Variants in EPHA3 observed in about 807,000 individuals in gnomAD.
EPHA3 encodes the protein ephrin type-A receptor 3.
Under a neutral mutation model 107.1 loss-of-function variants are expected in EPHA3, and 42 were observed. The ratio of observed to expected loss-of-function variants is 0.39; its 90% CI spans 0.31 to 0.51. The LOEUF is 0.51. EPHA3 is among the 20% of genes least tolerant of loss of function. The pLI, the probability that EPHA3 is intolerant of heterozygous loss-of-function variation, is 0.78. For synonymous variants in EPHA3, 461 were observed against 424.8 expected, an observed-to-expected ratio of 1.09 and a Z score of -1.05; for missense variants, 1,183 against 1,211.2, an observed-to-expected ratio of 0.98 and a Z score of 0.35.
Position 89,398,303 on chromosome 3 carries a change from A to G in EPHA3, c.1432-1015A>G, listed in dbSNP as rs1409017312. 2.6e-5 allele frequency among the ~76,000 whole-genome samples: 4 copies of G among 152,316 alleles called. No homozygotes were observed. The East Asian group carries it at 7.7e-4, about 29-fold the overall frequency. On this transcript the variant is annotated intron_variant, in intron 6 of 16. Transcript: ENST00000336596. ...GTTCCTCATAGGAGCTCTGTGTATA[A>G]TAATATATGTGAGAGAAAAAACGTA...
intron 15 of EPHA3, among the ~76,000 whole-genome samples, chr3:89,452,011 C>T (rs1222550599): frequency 6.6e-6 from 1 of 151,724 alleles, no homozygotes; most frequent in Non-Finnish European, 1.5e-5. Flanking sequence ...ATATTTAAAA[C>T]AATATTTTAA....
chr3:89,455,290 G>A (rs1033919030), intron 15 of EPHA3, among the ~76,000 whole-genome samples: 49 of 152,288 alleles, frequency 3.2e-4, no homozygotes, highest in African/African-American at 1.1e-3. Flanking sequence ...TGCAGGAAGG[G>A]AATGAGCCAG....
chr3:89,480,630 A>AG lies in EPHA3; in HGVS notation c.*1128_*1129insG, dbSNP rs1206410146. On this transcript the variant is annotated 3_prime_UTR_variant, in exon 17 of 17. Transcript: ENST00000336596. ...GGCCAATGCATGAGTAAAAAAAAAA[A>AG]CAATTACTGGCTCACTGGCTTTGAA... 3 of 232,332 alleles carry AG rather than the reference A, an allele frequency of 1.3e-5. No individual in the cohort carries two copies. The highest frequency in any genetic ancestry group is 6.1e-5 in the East Asian group (1 of 16,442). The allele number at this position is 232,332 out of a possible 1,614,324, so 14.4% of individuals were successfully genotyped here. A position where few individuals can be genotyped will look rare whatever the true frequency, so the allele number is the denominator to read the frequency against.
intron 3 of EPHA3, among the ~76,000 whole-genome samples, chr3:89,257,042 T>C (rs1170399205): frequency 1.3e-5 from 2 of 152,222 alleles, no homozygotes; most frequent in Non-Finnish European, 2.9e-5. Context: ...CTGAAGATAA[T>C]AAAACTGGAT....
chr3:89,335,050 G>A (rs185783337), intron 3 of EPHA3, among the ~76,000 whole-genome samples: 4 of 152,076 alleles, frequency 2.6e-5, no homozygotes, highest in Non-Finnish European at 5.9e-5. Context: ...ATATGAAACT[G>A]ATCTCCTTTT....
chr3:89,313,061 T>G (rs1273207754), intron 3 of EPHA3, among the ~76,000 whole-genome samples: 1 of 152,066 alleles, frequency 6.6e-6, no homozygotes, highest in Non-Finnish European at 1.5e-5. Flanking sequence ...TGCATGTGTC[T>G]TTATAATAAT....
intron 5 of EPHA3, among the ~76,000 whole-genome samples, chr3:89,379,178 C>T (rs1708455527): frequency 2.0e-5 from 3 of 151,950 alleles, no homozygotes; most frequent in African/African-American, 7.3e-5. Flanking sequence ...TATTTATTGC[C>T]ACTCAATGTT....
intron 3 of EPHA3, among the ~76,000 whole-genome samples, chr3:89,274,143 G>A (rs903535231): frequency 3.3e-5 from 5 of 151,490 alleles, no homozygotes; most frequent in Admixed American, 1.3e-4. Flanking sequence ...ATAAGTTTTA[G>A]CAAATATGTG....
intron 3 of EPHA3, among the ~76,000 whole-genome samples, chr3:89,330,560 A>G (rs1291954980): frequency 2.6e-5 from 4 of 152,144 alleles, no homozygotes; most frequent in African/African-American, 9.6e-5. Context: ...AATTCCTCAG[A>G]ATAGAAATGT....
intron 13 of EPHA3, among the ~76,000 whole-genome samples, chr3:89,437,689 G>A (rs1261622727): frequency 6.6e-6 from 1 of 152,090 alleles, no homozygotes; most frequent in African/African-American, 2.4e-5. Flanking sequence ...ATATTCATAT[G>A]TTGAAATACA....
intron 3 of EPHA3, among the ~76,000 whole-genome samples, chr3:89,332,043 T>A (rs1707301015): frequency 6.6e-6 from 1 of 152,182 alleles, no homozygotes; most frequent in South Asian, 2.1e-4. Context: ...CTTAATAACA[T>A]CTTCATAAAT....
At chr3:89,263,684 C>CT (rs1350176004) in intron 3 of EPHA3, among the ~76,000 whole-genome samples, 1 of 152,084 alleles carries the variant, frequency 6.6e-6, no homozygotes, top group Non-Finnish European at 1.5e-5. Flanking sequence ...TTGCTTCTCT[C>CT]TGCCAGCTGA....
chr3:89,396,020 C>G, intron 6 of EPHA3, 59 bp downstream of exon 6: 1 of 1,591,314 alleles, frequency 6.3e-7, no homozygotes, highest in Non-Finnish European at 8.6e-7. Context: ...TCCTCATGAG[C>G]TGTGCTCTTG....
At chr3:89,196,494 C>T (rs1705839586) in intron 2 of EPHA3, among the ~76,000 whole-genome samples, 1 of 151,854 alleles carries the variant, frequency 6.6e-6, no homozygotes, top group Admixed American at 6.6e-5. Context: ...TAGTGCATAA[C>T]AGGTGTTTGA....
intron 1 of EPHA3, among the ~76,000 whole-genome samples, chr3:89,110,025 C>A (rs538024669): frequency 6.6e-6 from 1 of 151,850 alleles, no homozygotes; most frequent in Admixed American, 6.6e-5. Context: ...CAAGTATGTG[C>A]CAAGATTTCC....
At chr3:89,405,674 GAT>G (rs1709043325) in intron 7 of EPHA3, among the ~76,000 whole-genome samples, 1 of 152,146 alleles carries the variant, frequency 6.6e-6, no homozygotes, top group South Asian at 2.1e-4. Context: ...GGCTGAAGAT[GAT>G]ATGTTGGCTC....
chr3:89,394,076 T>A (rs764756913), intron 5 of EPHA3, among the ~76,000 whole-genome samples: 1 of 152,188 alleles, frequency 6.6e-6, no homozygotes, highest in Non-Finnish European at 1.5e-5. Context: ...ATGAATTTAC[T>A]TTTTCATCAG....
chr3:89,481,850 A>G lies in EPHA3; in HGVS notation c.*2348A>G, dbSNP rs970945147. ...GTAAACATAAAGCCACAACTCCTAC[A>G]TGATGTTATGTACCATATGATCTGT... On this transcript the variant is annotated 3_prime_UTR_variant, in exon 17 of 17. Coordinates refer to ENST00000336596, the MANE Select transcript of EPHA3 (RefSeq NM_005233.6). The G allele has an allele frequency of 4.3e-6, 1 of 231,252 alleles. No homozygotes were observed. Among genetic ancestry groups the G allele is most frequent in the African/African-American group, 2.2e-5 (1 of 45,240 alleles). The allele number at this position is 231,252 out of a possible 1,614,324, so 14.3% of individuals were successfully genotyped here.
In EPHA3 at chr3:89,458,290, T is replaced by C. The variant is rs571942885; in HGVS notation, c.2690+7920T>C. Among the ~76,000 whole-genome samples the C allele has an allele frequency of 2.5e-3, 381 of 152,166 alleles. 3 individuals are homozygous for C. The highest frequency in any genetic ancestry group is 8.8e-3 in the African/African-American group (367 of 41,524). On this transcript the variant is annotated intron_variant, in intron 15 of 16. Transcript: ENST00000336596. ...AGAGAGAAAGAAAATTCCCTTTATT[T>C]TGAGCTTTGGAGAGCAGTGCCAGTT...
Sources: gnomAD v4.1 joint callset for allele counts (sites outside exome capture counted in the v4.1 genomes callset) on GRCh38, gnomAD v4.1.1 for gene constraint, MANE v1.5 for transcripts, NCBI Gene and HGNC (gene_info 2026-07-23, HGNC 2026-07-21) for gene names.